AGBL1: variants seen among roughly 807,000 people sequenced by gnomAD.
The protein encoded by AGBL1 is AGBL carboxypeptidase 1, also known as cytosolic carboxypeptidase 4.
AGBL1 carries 130 observed loss-of-function variants against 118.9 expected under a neutral mutation model. The observed-to-expected ratio is 1.09, with a 90% confidence interval of 0.95 to 1.26. The LOEUF (loss-of-function observed/expected upper bound fraction) is 1.26. AGBL1 is among the 50% of genes most tolerant of loss of function. AGBL1 has a pLI of 0.00. For missense variants in AGBL1, 1,584 were observed against 1,298.1 expected (o/e 1.22, Z -3.38); for synonymous variants, 555 against 478.9 (o/e 1.16, Z -2.08).
chr15:86,875,489 T>G (rs1414311368), intron 22 of AGBL1, among the ~76,000 whole-genome samples: 1 of 152,232 alleles, frequency 6.6e-6, no homozygotes, highest in African/African-American at 2.4e-5. Flanking sequence ...TTGAGCCTCA[T>G]AACTTTCTCT....
At chr15:86,741,189 GT>G in intron 22 of AGBL1, among the ~76,000 whole-genome samples, 1 of 151,780 alleles carries the variant, frequency 6.6e-6, no homozygotes, top group South Asian at 2.1e-4. Flanking sequence ...GGGTCACATA[GT>G]ACAGAGGACT....
intron 17 of AGBL1, among the ~76,000 whole-genome samples, chr15:86,368,477 A>G (rs1055233480): frequency 3.9e-5 from 6 of 152,236 alleles, no homozygotes; most frequent in Non-Finnish European, 5.9e-5. Context: ...TAGGATGCTC[A>G]AAGTGACAAA....
At position 86,686,863 on chromosome 15, in the gene AGBL1, C is replaced by T. The variant is rs537905354; in HGVS notation, c.3158+12427C>T. Among the ~76,000 whole-genome samples, 130 of 152,176 alleles carry T rather than the reference C, an allele frequency of 8.5e-4. 2 individuals carry two copies. Among genetic ancestry groups the T allele is most frequent in the Non-Finnish European group, 2.4e-4 (16 of 68,006 alleles). ...AGGCACAGAGAGCTTAAATAACTTG[C>T]CTAAGCCCACACAGCTAGTTTAAAT... On this transcript the variant is annotated intron_variant, in intron 22 of 22. Coordinates refer to ENST00000614907, the MANE Select transcript of AGBL1 (RefSeq NM_001386094.1).
chr15:86,453,937 A>G (rs1477750629), intron 18 of AGBL1, among the ~76,000 whole-genome samples: 3 of 152,228 alleles, frequency 2.0e-5, no homozygotes, highest in Admixed American at 1.3e-4. Context: ...TTCTCTTTCC[A>G]TTCTTTTCCA....
rs529158449 is a variant in AGBL1 at position 86,102,026 on chromosome 15, TTCTC to T, written c.51+22015_51+22018del. Among the ~76,000 whole-genome samples the T allele has an allele frequency of 2.3e-3, 345 of 151,720 alleles. 14 individuals carry two copies. The South Asian group carries it at 0.065, about 28-fold the overall frequency. Reference sequence around the variant, plus strand: ...TCTGTCGCAGTAACATTTGAATCCTTTCTCTCTCTCTCTCTTTTTTTTTTTTTTA... The same window carrying T: ...TCTGTCGCAGTAACATTTGAATCCTTTCTCTCTCTCTTTTTTTTTTTTTTA... On this transcript the variant is annotated intron_variant, in intron 1 of 22. Transcript: ENST00000614907.
intron 18 of AGBL1, among the ~76,000 whole-genome samples, chr15:86,404,188 C>T (rs151160225): frequency 9.1e-4 from 138 of 152,268 alleles, no homozygotes; most frequent in East Asian, 6.6e-3. Context: ...GAAGCCATGG[C>T]GCAGCCTTGC....
intron 1 of AGBL1, among the ~76,000 whole-genome samples, chr15:86,126,078 G>A (rs12594355): frequency 0.11 from 17,450 of 151,970 alleles, 1,138 homozygotes; most frequent in East Asian, 0.25. Context: ...ATCTTTGATC[G>A]TTGAAGACTT....
At chr15:86,539,253 C>A (rs185436082) in intron 19 of AGBL1, among the ~76,000 whole-genome samples, 247 of 152,338 alleles carry the variant, frequency 1.6e-3, no homozygotes, top group Non-Finnish European at 2.8e-3. Context: ...CGGAAAGGCA[C>A]AATCATTGCC....
chr15:86,818,249 G>A (rs1045092855), intron 22 of AGBL1, among the ~76,000 whole-genome samples: 1 of 152,118 alleles, frequency 6.6e-6, no homozygotes, highest in South Asian at 2.1e-4. Context: ...ATTTGTTACG[G>A]CAGCTCTAGA....
At chr15:86,805,868 T>C (rs1596498624) in intron 22 of AGBL1, among the ~76,000 whole-genome samples, 1 of 152,130 alleles carries the variant, frequency 6.6e-6, no homozygotes, top group Non-Finnish European at 1.5e-5. Flanking sequence ...CCTAATCAGT[T>C]TGTGACAGAC....
chr15:86,195,294 G>C (rs1329981976), intron 5 of AGBL1, among the ~76,000 whole-genome samples: 1 of 152,004 alleles, frequency 6.6e-6, no homozygotes, highest in East Asian at 1.9e-4. Flanking sequence ...GCATGTTGGG[G>C]GTGTTCTGAC....
intron 5 of AGBL1, among the ~76,000 whole-genome samples, chr15:86,188,252 T>G (rs2077663895): frequency 6.6e-6 from 1 of 152,206 alleles, no homozygotes; most frequent in Admixed American, 6.5e-5. Flanking sequence ...ACTATGGAGC[T>G]GATCCTGTCA....
At chr15:86,563,095 C>T (rs1045588763) in intron 21 of AGBL1, among the ~76,000 whole-genome samples, 6 of 152,274 alleles carry the variant, frequency 3.9e-5, no homozygotes, top group Middle Eastern at 3.4e-3. Flanking sequence ...CAAAAACCAG[C>T]TCCTGGATTC....
intron 21 of AGBL1, among the ~76,000 whole-genome samples, chr15:86,660,930 G>A: frequency 6.6e-6 from 1 of 152,164 alleles, no homozygotes; most frequent in East Asian, 1.9e-4. Context: ...GAGAGTTTTA[G>A]TGACTAAAAA....
intron 22 of AGBL1, among the ~76,000 whole-genome samples, chr15:86,899,792 A>G (rs1344342043): frequency 1.3e-5 from 2 of 152,092 alleles, no homozygotes; most frequent in African/African-American, 4.8e-5. Context: ...ATTGTGATGC[A>G]TATTGTGAGT....
intron 22 of AGBL1, among the ~76,000 whole-genome samples, chr15:86,706,743 C>T (rs1391433536): frequency 6.6e-6 from 1 of 152,100 alleles, no homozygotes; most frequent in Non-Finnish European, 1.5e-5. Flanking sequence ...ATTTTATCTT[C>T]TGTCTTTGAG....
rs573366035 is a variant in AGBL1, at chr15:86,426,857, C to G, written c.2555+29311C>G. Among the ~76,000 whole-genome samples the G allele has an allele frequency of 3.3e-5, 5 of 152,306 alleles. No individual in the cohort carries two copies. In the East Asian group the frequency reaches 7.7e-4, roughly 23 times the overall value. ...TCTTGGTTCACTGCAACCTCCGCCT[C>G]CCTTTTCAAGTGTTTCTCCTGCCTC... is the stretch of plus-strand genomic sequence containing the variant. On this transcript the variant is annotated intron_variant, in intron 18 of 22. Transcript: ENST00000614907.
intron 21 of AGBL1, among the ~76,000 whole-genome samples, chr15:86,590,992 T>A (rs549982608): frequency 1.3e-5 from 2 of 152,224 alleles, no homozygotes; most frequent in Admixed American, 6.5e-5. Context: ...CCCAATAATG[T>A]ACGTTATAGC....
chr15:86,256,011 T>C lies in AGBL1; in HGVS notation c.736-842T>C, dbSNP rs117863465. On this transcript the variant is annotated intron_variant, in intron 7 of 22. Transcript: ENST00000614907. The stretch of plus-strand genomic sequence containing the variant: ...GTGACTTATTGGCCTCAGAGCTTTC[T>C]GCACCCTTTAGGAATAGCAAACTGG... 7.8e-3 allele frequency among the ~76,000 whole-genome samples: 1,181 copies of C among 152,274 alleles called. 9 individuals are homozygous for C. Among genetic ancestry groups the C allele is most frequent in the Admixed American group, 0.018 (275 of 15,304 alleles).
Sources: allele counts gnomAD v4.1 joint callset (sites outside exome capture counted in the v4.1 genomes callset), GRCh38; gene constraint gnomAD v4.1.1; transcripts MANE v1.5; gene names NCBI Gene and HGNC (gene_info 2026-07-23, HGNC 2026-07-21).